Variants in EDIL3 observed in about 807,000 individuals in gnomAD.
EDIL3 encodes the protein EGF like and discoidin domains 3, also known as EGF-like repeat and discoidin I-like domain-containing protein 3.
EDIL3 carries 37 observed loss-of-function variants against 67.4 expected under a neutral mutation model. That is an observed-to-expected ratio of 0.55 (90% CI 0.42 to 0.72). The LOEUF is 0.72. Among genes scored for constraint, EDIL3 ranks in the 30% least tolerant of loss-of-function variants. EDIL3 has a pLI of 0.00. For synonymous variants in EDIL3, 195 were observed against 196.3 expected (o/e 0.99, Z 0.05); for missense variants, 527 against 586.3 (o/e 0.90, Z 1.04).
intron 9 of EDIL3, among the ~76,000 whole-genome samples, chr5:83,980,256 G>GT (rs1361362774): frequency 2.0e-5 from 3 of 149,268 alleles, no homozygotes; most frequent in Non-Finnish European, 4.5e-5. Flanking sequence ...TTTTGTTTTT[G>GT]TTTTTTATGG....
intron 6 of EDIL3, among the ~76,000 whole-genome samples, chr5:84,089,208 G>A (rs570553763): frequency 6.6e-6 from 1 of 152,288 alleles, no homozygotes; most frequent in East Asian, 1.9e-4. Flanking sequence ...CTTAGAAGCA[G>A]AAGTGTCACA....
intron 1 of EDIL3, among the ~76,000 whole-genome samples, chr5:84,311,754 G>A (rs1746394424): frequency 6.6e-6 from 1 of 152,028 alleles, no homozygotes; most frequent in Non-Finnish European, 1.5e-5. Flanking sequence ...AGGGAGTGGT[G>A]ATGACTCTTA....
intron 3 of EDIL3, among the ~76,000 whole-genome samples, chr5:84,190,547 A>ATGTGTGTGTGTG (rs1326799356): frequency 2.4e-4 from 15 of 62,218 alleles, no homozygotes; most frequent in African/African-American, 8.1e-4. Context: ...ATATATATAT[A>ATGTGTGTGTGTG]TATATGTGTG....
intron 1 of EDIL3, among the ~76,000 whole-genome samples, chr5:84,354,489 T>C (rs376620251): frequency 1.3e-5 from 2 of 152,014 alleles, no homozygotes; most frequent in East Asian, 3.9e-4. Context: ...AAACCCTGTC[T>C]CTACTAAAAA....
chr5:84,362,353 G>A (rs1747627388), intron 1 of EDIL3, among the ~76,000 whole-genome samples: 1 of 152,000 alleles, frequency 6.6e-6, no homozygotes, highest in South Asian at 2.1e-4. Flanking sequence ...TTTTTAAATT[G>A]TATCTTCCTC....
intron 1 of EDIL3, among the ~76,000 whole-genome samples, chr5:84,315,434 C>A (rs1746489296): frequency 6.6e-6 from 1 of 152,140 alleles, no homozygotes; most frequent in African/African-American, 2.4e-5. Flanking sequence ...CTCAGGCTTA[C>A]AAATCCAGTG....
intron 5 of EDIL3, among the ~76,000 whole-genome samples, chr5:84,114,995 A>T (rs1237311266): frequency 6.6e-6 from 1 of 152,208 alleles, no homozygotes. Flanking sequence ...CACTTAGCAC[A>T]GTGCTTACAA....
rs866058135 is a variant in EDIL3, at chr5:84,132,532, A to G, written c.469+4709T>C. On this transcript the variant is annotated intron_variant, in intron 5 of 10. Coordinates refer to ENST00000296591, the MANE Select transcript of EDIL3 (RefSeq NM_005711.5). Reference sequence around the variant, plus strand: ...TAATATATATTTTAATATATATTATATATTTTATATATAATATATATTTTA... The same window carrying G: ...TAATATATATTTTAATATATATTATGTATTTTATATATAATATATATTTTA... 6.3e-4 allele frequency among the ~76,000 whole-genome samples: 71 copies of G among 112,166 alleles called. 1 individual carries two copies. Among genetic ancestry groups the G allele is most frequent in the African/African-American group, 2.3e-3 (62 of 27,116 alleles). The allele number at this position is 112,166 out of a possible 152,430, so 73.6% of individuals were successfully genotyped here. A position where few individuals can be genotyped will look rare whatever the true frequency, so the allele number is the denominator to read the frequency against.
intron 9 of EDIL3, among the ~76,000 whole-genome samples, chr5:84,022,768 G>C (rs1403615361): frequency 1.3e-5 from 2 of 151,918 alleles, no homozygotes; most frequent in African/African-American, 4.8e-5. Context: ...GTGAGGCTAG[G>C]AGAAAGAAAT....
chr5:83,977,886 A>G (rs1981817), intron 9 of EDIL3, among the ~76,000 whole-genome samples: 19,226 of 151,844 alleles, frequency 0.13, 2,301 homozygotes, highest in African/African-American at 0.32. Flanking sequence ...CTTTTAATGA[A>G]TAACAGATTT....
chr5:84,312,714 G>A (rs1746433441), intron 1 of EDIL3, among the ~76,000 whole-genome samples: 1 of 152,220 alleles, frequency 6.6e-6, no homozygotes. Flanking sequence ...CTCCCAGACG[G>A]GGCGGCTATT....
intron 1 of EDIL3, among the ~76,000 whole-genome samples, chr5:84,326,763 T>A (rs548284912): frequency 6.6e-6 from 1 of 151,994 alleles, no homozygotes; most frequent in African/African-American, 2.4e-5. Flanking sequence ...TTCTATACAC[T>A]ATTTCAGCTA....
chr5:84,049,355 T>C (rs1173372453), intron 9 of EDIL3, among the ~76,000 whole-genome samples: 1 of 152,186 alleles, frequency 6.6e-6, no homozygotes, highest in African/African-American at 2.4e-5. Flanking sequence ...AGGTACACAA[T>C]CCACCAGAAA....
chr5:84,041,131 A>T (rs1320234807), intron 9 of EDIL3, among the ~76,000 whole-genome samples: 1 of 125,836 alleles, frequency 7.9e-6, no homozygotes, highest in Non-Finnish European at 1.6e-5. Flanking sequence ...ACAATGTCTC[A>T]AAATAAAAAA....
intron 1 of EDIL3, among the ~76,000 whole-genome samples, chr5:84,335,848 G>A (rs947753687): frequency 1.3e-5 from 2 of 152,106 alleles, no homozygotes; most frequent in Non-Finnish European, 2.9e-5. Flanking sequence ...TCTGGGGGCT[G>A]GGAAGTCCAA....
chr5:83,991,855 G>A (rs1745156704), intron 9 of EDIL3, among the ~76,000 whole-genome samples: 1 of 152,084 alleles, frequency 6.6e-6, no homozygotes, highest in Admixed American at 6.6e-5. Context: ...AAGCTCCCCT[G>A]GCAGAATGTG....
intron 1 of EDIL3, among the ~76,000 whole-genome samples, chr5:84,277,162 T>A (rs541603201): frequency 6.6e-6 from 1 of 152,222 alleles, no homozygotes; most frequent in South Asian, 2.1e-4. Flanking sequence ...AATGTTTACA[T>A]CCCCCCAAGA....
chr5:84,242,713 A>G (rs1274429704), intron 2 of EDIL3, among the ~76,000 whole-genome samples: 3 of 146,894 alleles, frequency 2.0e-5, no homozygotes, highest in African/African-American at 7.6e-5. Context: ...TGGGAAGATC[A>G]CTTGAGCCCC....
intron 1 of EDIL3, among the ~76,000 whole-genome samples, chr5:84,302,969 CAG>C (rs55665353): frequency 0.4 from 60,130 of 151,862 alleles, 12,281 homozygotes; most frequent in South Asian, 0.49. Context: ...GAATCAAAAT[CAG>C]AGAGAGATAG....
Sources: gnomAD v4.1 joint callset for allele counts (sites outside exome capture counted in the v4.1 genomes callset) on GRCh38, gnomAD v4.1.1 for gene constraint, MANE v1.5 for transcripts, NCBI Gene and HGNC (gene_info 2026-07-23, HGNC 2026-07-21) for gene names.